Variants in LCK observed in about 807,000 individuals in gnomAD.
LCK encodes LCK proto-oncogene, Src family tyrosine kinase, also known as tyrosine-protein kinase Lck.
A neutral mutation model predicts 64.6 loss-of-function variants in LCK; 14 were observed. That is an observed-to-expected ratio of 0.22 (90% confidence interval 0.14 to 0.34). The LOEUF is 0.34. Among genes scored for constraint, LCK ranks in the 10% least tolerant of loss-of-function variants. The pLI is 1.00. For missense variants in LCK, 434 were observed against 668.1 expected (o/e 0.65, Z 3.86); for synonymous variants, 277 against 263.6 (o/e 1.05, Z -0.49).
At chr1:32,266,614 A>C (rs1234384814) in intron 1 of LCK, among the ~76,000 whole-genome samples, 44 of 76,086 alleles carry the variant, frequency 5.8e-4, no homozygotes, top group Non-Finnish European at 7.3e-4. Context: ...CGCCACCACC[A>C]CCTCCTCTCC....
chr1:32,274,036 A>C (rs1356330939), intron 1 of LCK: 3 of 475,834 alleles, frequency 6.3e-6, no homozygotes, highest in Non-Finnish European at 1.1e-5. Flanking sequence ...GGAAGTGGGT[A>C]ACTAGACTAA....
chr1:32,253,610 G>T (rs1639560147), intron 1 of LCK, among the ~76,000 whole-genome samples: 1 of 152,196 alleles, frequency 6.6e-6, no homozygotes, highest in East Asian at 1.9e-4. Context: ...AAGGGAGGTG[G>T]GGCACTCCCT....
intron 12 of LCK, among the ~76,000 whole-genome samples, chr1:32,283,942 A>G (rs927050066): frequency 2.0e-5 from 3 of 151,994 alleles, no homozygotes; most frequent in African/African-American, 4.8e-5. Context: ...GTGCAGTGGC[A>G]TGATCTCAGC....
intron 1 of LCK, among the ~76,000 whole-genome samples, chr1:32,252,257 C>A (rs1294093285): frequency 1.3e-5 from 2 of 152,184 alleles, no homozygotes; most frequent in Admixed American, 1.3e-4. Flanking sequence ...ATGTCCTCCC[C>A]TCGCCCCTGG....
chr1:32,275,079 G>C lies in LCK; in HGVS notation c.274G>C (p.Glu92Gln). 6.2e-7 allele frequency: 1 copy of C among 1,610,298 alleles called. No individual in the cohort carries two copies. Among genetic ancestry groups the C allele is most frequent in the South Asian group, 1.1e-5 (1 of 90,776 alleles). ...GAAGGGGGAACAGCTCCGCATCCTG[G>C]AGCAGTGAGTCCCTCTCCACCTTGC... Reference protein sequence around the residue: ...FEKGEQLRILEQSGEWWKAQS... With the variant: ...FEKGEQLRILQQSGEWWKAQS... The change falls in exon 4 of 13, where the codon GAG (glutamate) becomes CAG (glutamine). Residue 92 changes from glutamate (E) to glutamine (Q), a missense_variant. Glu to Gln is a conservative substitution (Grantham distance 29). Around this residue, in one of 2 missense-constraint regions of LCK, gnomAD observed 233 missense variants for 291.2 expected, o/e 0.80. Transcript: ENST00000336890. This position sits in a 1 kb window ranked among gnomAD's most constrained non-coding sequence, Gnocchi z 6.9.
At chr1:32,278,422 TC>T (rs1192653023) in intron 9 of LCK, among the ~76,000 whole-genome samples, 1 of 151,784 alleles carries the variant, frequency 6.6e-6, no homozygotes, top group African/African-American at 2.4e-5. Context: ...CACTTCAGCC[TC>T]CCCCTCCTGG....
intron 9 of LCK, among the ~76,000 whole-genome samples, chr1:32,278,993 T>C (rs1371488783): frequency 6.6e-6 from 1 of 152,166 alleles, no homozygotes; most frequent in African/African-American, 2.4e-5. Flanking sequence ...CTCTTTCTTA[T>C]TCCATCCAAT....
rs1242234785 is a variant in LCK, at chr1:32,251,933, A to AGT, written c.-6+563_-6+564insTG. On this transcript the variant is annotated intron_variant, in intron 1 of 12. Coordinates refer to ENST00000336890, the MANE Select transcript of LCK (RefSeq NM_005356.5). The surrounding 1 kb of genome is among the most constrained non-coding windows in gnomAD (Gnocchi z 4.0). ...GAGAGAGAGAGAGAGAGAGAGAGAG[A>AGT]GAGACAGAGATCACCCAAGGCATCC... 1.3e-4 allele frequency among the ~76,000 whole-genome samples: 20 copies of AGT among 150,938 alleles called. No individual in the cohort carries two copies. The highest frequency in any genetic ancestry group is 4.2e-4 in the South Asian group (2 of 4,774).
intron 12 of LCK, 85 bp from the exon 13 acceptor site, chr1:32,285,429 G>A: frequency 8.4e-7 from 1 of 1,192,930 alleles, no homozygotes; most frequent in Non-Finnish European, 1.3e-6. Context: ...TGCTCACACT[G>A]TGCCAGTTAA....
At chr1:32,281,290 A>C (rs1471358511) in intron 12 of LCK, among the ~76,000 whole-genome samples, 2 of 150,738 alleles carry the variant, frequency 1.3e-5, no homozygotes, top group African/African-American at 4.9e-5. Context: ...AAAACAAACA[A>C]ACAAAAAAAA....
intron 9 of LCK, among the ~76,000 whole-genome samples, chr1:32,277,514 C>G (rs1302282703): frequency 2.6e-5 from 4 of 152,128 alleles, no homozygotes; most frequent in African/African-American, 9.7e-5. Context: ...GACCCCCACC[C>G]CTGCACCCCT....
At chr1:32,282,081 A>C (rs1358539945) in intron 12 of LCK, among the ~76,000 whole-genome samples, 1 of 152,094 alleles carries the variant, frequency 6.6e-6, no homozygotes. Flanking sequence ...AAACAAAAAC[A>C]AAAACAACCA....
intron 12 of LCK, among the ~76,000 whole-genome samples, chr1:32,282,081 A>G (rs1358539945): frequency 6.6e-6 from 1 of 152,094 alleles, no homozygotes; most frequent in African/African-American, 2.4e-5. Context: ...AAACAAAAAC[A>G]AAAACAACCA....
intron 9 of LCK, among the ~76,000 whole-genome samples, chr1:32,277,344 G>C (rs1640313396): frequency 6.6e-6 from 1 of 151,778 alleles, no homozygotes; most frequent in East Asian, 1.9e-4. Context: ...AACCTTCCCT[G>C]ACCTGCCATT....
intron 1 of LCK, chr1:32,273,991 G>A (rs1318147321): frequency 7.9e-6 from 3 of 379,792 alleles, no homozygotes; most frequent in African/African-American, 2.1e-5. Context: ...CCCAACACAG[G>A]GTACTGGCAG....
intron 1 of LCK, among the ~76,000 whole-genome samples, chr1:32,262,945 G>A (rs1309588107): frequency 6.6e-6 from 1 of 151,544 alleles, no homozygotes; most frequent in Non-Finnish European, 1.5e-5. Context: ...ATTCTGGGGT[G>A]AATGAAACAG....
chr1:32,252,162 G>A (rs1342426155), intron 1 of LCK, among the ~76,000 whole-genome samples: 1 of 152,140 alleles, frequency 6.6e-6, no homozygotes. Flanking sequence ...ATCCCAGACA[G>A]GGGTGCAGTT....
In LCK at chr1:32,272,489, G is replaced by C. The variant is rs546786484; in HGVS notation, c.-5-1836G>C. 3.9e-5 allele frequency among the ~76,000 whole-genome samples: 6 copies of C among 152,012 alleles called. No individual in the cohort carries two copies. The South Asian group carries it at 1.2e-3, about 32-fold the overall frequency. ...AGTCTCAGCTACTGGGGAGGTTGAG[G>C]TGGGAAGATTGCTTGAGCCCAGGAG... On this transcript the variant is annotated intron_variant, in intron 1 of 12. Transcript: ENST00000336890.
rs1640218783 is a variant in LCK at position 32,275,176 on chromosome 1, G to A, written c.278+93G>A. On this transcript the variant is annotated intron_variant, in intron 4 of 12. Coordinates refer to ENST00000336890, the MANE Select transcript of LCK (RefSeq NM_005356.5). The surrounding 1 kb of genome is among the most constrained non-coding windows in gnomAD (Gnocchi z 6.9). ...CTCCTGCGGCCCTTGACCAGCTCGG[G>A]GTGGCCGCCCTTGGGACAAAATTCG... is the stretch of plus-strand genomic sequence containing the variant. 2 of 1,473,258 alleles carry A rather than the reference G, an allele frequency of 1.4e-6. No individual in the cohort carries two copies. The highest frequency in any genetic ancestry group is 2.4e-5 in the South Asian group (2 of 84,612). The allele number at this position is 1,473,258 out of a possible 1,614,324, so 91.3% of individuals were successfully genotyped here.
Sources: allele counts gnomAD v4.1 joint callset (sites outside exome capture counted in the v4.1 genomes callset), GRCh38; gene constraint gnomAD v4.1.1; regional missense constraint gnomAD v4.1.1; non-coding constraint Gnocchi (gnomAD v3.1); transcripts MANE v1.5; gene names NCBI Gene and HGNC (gene_info 2026-07-23, HGNC 2026-07-21).